TTBK2: variants seen among roughly 807,000 people sequenced by gnomAD.
The protein encoded by TTBK2 is tau tubulin kinase 2.
In TTBK2, 28 loss-of-function variants were observed where a neutral mutation model predicts 110.8. The observed-to-expected ratio is 0.25, with a 90% CI of 0.19 to 0.35. The LOEUF is 0.35. Ranked by LOEUF, TTBK2 falls within the 10% of genes least tolerant of loss-of-function variation. The probability of loss-of-function intolerance (pLI) is 1.00; values close to 1 mark genes in which losing one functional copy is unlikely to be tolerated. For synonymous variants in TTBK2, 532 were observed against 527.3 expected (o/e 1.01, Z -0.12); for missense variants, 1,369 against 1,500.3 (o/e 0.91, Z 1.45).
intron 9 of TTBK2, chr15:42,802,321 G>A (rs769616508): frequency 9.0e-6 from 7 of 774,590 alleles, no homozygotes; most frequent in African/African-American, 3.4e-5. Context: ...GCAGGCACCA[G>A]GCCCACTCGT....
chr15:42,872,524 A>G, intron 3 of TTBK2, 87 bp downstream of exon 3: 1 of 1,496,712 alleles, frequency 6.7e-7, no homozygotes, highest in East Asian at 2.4e-5. Flanking sequence ...ATTAGTACTT[A>G]AAGAATGTAA....
chr15:42,867,075 T>C (rs1025675934), intron 3 of TTBK2, among the ~76,000 whole-genome samples: 1 of 151,670 alleles, frequency 6.6e-6, no homozygotes, highest in Non-Finnish European at 1.5e-5. Context: ...AAACCCCGTC[T>C]CTACTAAAAA....
intron 13 of TTBK2, among the ~76,000 whole-genome samples, chr15:42,754,857 A>C (rs2061923821): frequency 6.6e-6 from 1 of 150,852 alleles, no homozygotes. Flanking sequence ...AAAAATACAA[A>C]ATAAACTGGG....
At chr15:42,821,324 G>T (rs1025815516) in intron 6 of TTBK2, among the ~76,000 whole-genome samples, 1 of 152,138 alleles carries the variant, frequency 6.6e-6, no homozygotes, top group Non-Finnish European at 1.5e-5. Flanking sequence ...TTTGGAATAG[G>T]CAGAGGTGAA....
chr15:42,752,441 C>T lies in TTBK2; in HGVS notation c.2805G>A (p.Arg935=). Residue 935 remains arginine (R), a synonymous_variant, in exon 14 of 15, where the codon AGG becomes AGA. Coordinates refer to ENST00000267890, the MANE Select transcript of TTBK2 (RefSeq NM_173500.4). ...HGAPTRKDMV[R]SSFVTRHSRI... ...GGCTGTGTCTAGTTACAAAGGATGA[C>T]CTAACCATATCCTTCCGGGTTGGGG... The T allele has an allele frequency of 1.2e-6, 2 of 1,614,106 alleles. No individual in the cohort carries two copies. Among genetic ancestry groups the T allele is most frequent in the Non-Finnish European group, 1.7e-6 (2 of 1,180,010 alleles).
intron 6 of TTBK2, among the ~76,000 whole-genome samples, chr15:42,823,098 G>T (rs571678148): frequency 3.9e-5 from 6 of 152,240 alleles, no homozygotes; most frequent in African/African-American, 1.4e-4. Context: ...AGAGAAAAAA[G>T]ACTTTAAACA....
Position 42,771,035 on chromosome 15 carries a change from G to C in TTBK2, c.1998+4100C>G, listed in dbSNP as rs1159904648. On this transcript the variant is annotated intron_variant, in intron 13 of 14. Coordinates refer to ENST00000267890, the MANE Select transcript of TTBK2 (RefSeq NM_173500.4). ...GTCGCCCAGGCTGGAGTGCAGTGGC[G>C]CGATCTCGGCTCACTGCAACCTCCG... Among the ~76,000 whole-genome samples, 5 of 150,992 alleles carry C rather than the reference G, an allele frequency of 3.3e-5. No homozygotes were observed. In the East Asian group the frequency reaches 9.7e-4, roughly 29 times the overall value.
At chr15:42,889,811 A>G (rs1251018625) in intron 1 of TTBK2, among the ~76,000 whole-genome samples, 3 of 151,426 alleles carry the variant, frequency 2.0e-5, no homozygotes, top group Non-Finnish European at 4.4e-5. Context: ...AATCTCTCCC[A>G]CTCTAGGTTC....
At chr15:42,788,575 G>A (rs1408630990) in intron 10 of TTBK2, among the ~76,000 whole-genome samples, 1 of 152,114 alleles carries the variant, frequency 6.6e-6, no homozygotes, top group African/African-American at 2.4e-5. Flanking sequence ...CATGATTCTG[G>A]TGACTAAATA....
In TTBK2 at chr15:42,740,401, C is replaced by T. The variant is rs569626415; in HGVS notation, c.*5394G>A. ...GAGATTGTGTGGAAATTCAAGGTGA[C>T]CTGATCTTGTCACATACTTTAATTT... On this transcript the variant is annotated 3_prime_UTR_variant, in exon 15 of 15. Transcript: ENST00000267890. 4 of 152,236 alleles carry T rather than the reference C, an allele frequency of 2.6e-5. No homozygotes were observed. Among genetic ancestry groups the T allele is most frequent in the African/African-American group, 9.6e-5 (4 of 41,532 alleles). The allele number at this position is 152,236 out of a possible 1,614,324, so 9.4% of individuals were successfully genotyped here.
chr15:42,750,522 C>G (rs763881898), intron 14 of TTBK2, among the ~76,000 whole-genome samples: 3 of 151,590 alleles, frequency 2.0e-5, no homozygotes, highest in Admixed American at 6.6e-5. Context: ...AAGAAAAAAT[C>G]AGCAAACTTG....
chr15:42,851,103 C>T (rs1383706019), intron 3 of TTBK2, among the ~76,000 whole-genome samples: 1 of 151,450 alleles, frequency 6.6e-6, no homozygotes, highest in Non-Finnish European at 1.5e-5. Context: ...AAAAAATTAG[C>T]CGGTCGTGGT....
At position 42,783,643 on chromosome 15, in the gene TTBK2, T is replaced by G. The variant is rs1050519813; in HGVS notation, c.981-8A>C. The stretch of plus-strand genomic sequence containing the variant: ...GGAGTAGCATTGGCAATTCTACATA[T>G]GAAGGGAGAAAAAAAAGGCAAGAAT... On this transcript the variant is annotated splice_region_variant and splice_polypyrimidine_tract_variant and intron_variant, in intron 10 of 14. Transcript: ENST00000267890. 6.2e-7 allele frequency: 1 copy of G among 1,608,106 alleles called. No homozygotes were observed. The highest frequency in any genetic ancestry group is 8.5e-7 in the Non-Finnish European group (1 of 1,175,926).
intron 13 of TTBK2, among the ~76,000 whole-genome samples, chr15:42,772,572 C>T (rs1355202505): frequency 6.6e-6 from 1 of 152,144 alleles, no homozygotes; most frequent in Non-Finnish European, 1.5e-5. Context: ...TAATTTGTTA[C>T]ATAGCAATGG....
chr15:42,909,986 T>C (rs941791382), intron 1 of TTBK2, among the ~76,000 whole-genome samples: 3 of 152,024 alleles, frequency 2.0e-5, no homozygotes, highest in Non-Finnish European at 2.9e-5. Context: ...GGAGATCCCA[T>C]CTCAACAAAA....
At chr15:42,900,391 G>GA (rs1346123148) in intron 1 of TTBK2, among the ~76,000 whole-genome samples, 1 of 152,086 alleles carries the variant, frequency 6.6e-6, no homozygotes, top group African/African-American at 2.4e-5. Flanking sequence ...ATTATGCACA[G>GA]AAAAAACCTG....
At chr15:42,885,623 T>C (rs1187697697) in intron 1 of TTBK2, among the ~76,000 whole-genome samples, 1 of 152,180 alleles carries the variant, frequency 6.6e-6, no homozygotes, top group East Asian at 1.9e-4. Flanking sequence ...CCTTCACCCT[T>C]AGCAGCAAGC....
chr15:42,855,907 C>T (rs956931495), intron 3 of TTBK2, among the ~76,000 whole-genome samples: 1 of 152,192 alleles, frequency 6.6e-6, no homozygotes, highest in Non-Finnish European at 1.5e-5. Context: ...TGGTCTCGAT[C>T]TCCTGACCTT....
intron 3 of TTBK2, 35 bp from the exon 4 acceptor site, chr15:42,840,468 A>G: frequency 2.6e-6 from 4 of 1,561,664 alleles, no homozygotes; most frequent in Non-Finnish European, 3.5e-6. Context: ...AAAAGAATAT[A>G]CTATGGTTTC....
Sources: gnomAD v4.1 joint callset for allele counts (sites outside exome capture counted in the v4.1 genomes callset) on GRCh38, gnomAD v4.1.1 for gene constraint, MANE v1.5 for transcripts, NCBI Gene and HGNC (gene_info 2026-07-23, HGNC 2026-07-21) for gene names.